Variants in PSMB10 observed in about 807,000 individuals in gnomAD.
PSMB10 encodes proteasome 20S subunit beta 10.
A neutral mutation model predicts 29.8 loss-of-function variants in PSMB10; 29 were observed. The observed-to-expected ratio is 0.97, with a 90% CI of 0.73 to 1.33. The LOEUF is 1.33. Among genes scored for constraint, PSMB10 ranks in the 40% most tolerant of loss-of-function variants. PSMB10 has a pLI of 0.00. For synonymous variants in PSMB10, 157 were observed against 164.7 expected (o/e 0.95, Z 0.36); for missense variants, 327 against 369.2 (o/e 0.89, Z 0.94).
rs1427189167 is a variant in PSMB10, at chr16:67,935,655, T to G, written c.426A>C (p.Val142=). ...HVGASLIVGG[V]DLTGPQLYGV... ...CGTAGAGCTGCGGTCCAGTCAGGTC[T>G]ACGCCGCCCACGATCAGCGATGCAC... The change falls in exon 5 of 8, where the codon GTA becomes GTC. Residue 142 remains valine (V), a synonymous_variant. Transcript: ENST00000358514. 1.2e-6 allele frequency: 2 copies of G among 1,614,172 alleles called. No individual in the cohort carries two copies.
At chr16:67,935,009 C>T (rs1253926519) in intron 6 of PSMB10, 61 bp from the exon 7 acceptor site, 1 of 1,573,892 alleles carries the variant, frequency 6.4e-7, no homozygotes, top group Non-Finnish European at 8.6e-7. Context: ...AGGCTACAGC[C>T]TGGGGACTTG....
rs759750043 is a variant in PSMB10, at chr16:67,934,909, C to A, written c.598G>T (p.Ala200Ser). Residue 200 changes from alanine (A) to serine (S), a missense_variant, in exon 7 of 8, where the codon GCC (alanine) becomes TCC (serine). Transcript: ENST00000358514. This position sits in a 1 kb window ranked among gnomAD's most constrained non-coding sequence, Gnocchi z 4.3. Reference protein sequence around the residue: ...AQGLLVEAVTAGILGDLGSGG... With the variant: ...AQGLLVEAVTSGILGDLGSGG... ...GAGCCCAGGTCACCCAAGATCCCGGCGGTGACGGCTTCCACCAGCAGCCCC... is the reference window on the plus strand; with the variant it reads ...GAGCCCAGGTCACCCAAGATCCCGGAGGTGACGGCTTCCACCAGCAGCCCC... 2.5e-6 allele frequency: 4 copies of A among 1,613,072 alleles called. No individual in the cohort carries two copies. Among genetic ancestry groups the A allele is most frequent in the East Asian group, 2.2e-5 (1 of 44,900 alleles).
In PSMB10 at chr16:67,935,948, G is replaced by T. The variant is rs1447847894; in HGVS notation, c.383+15C>A. 1 of 1,603,624 alleles carries T rather than the reference G, an allele frequency of 6.2e-7. No homozygotes were observed. Among genetic ancestry groups the T allele is most frequent in the East Asian group, 2.2e-5 (1 of 44,606 alleles). The stretch of plus-strand genomic sequence containing the variant: ...AACTACCCCTGCCGGGGTCCTGTTA[G>T]CCCTGCCCCCGCACCTGAAGAGCGT... On this transcript the variant is annotated intron_variant, in intron 4 of 7. Coordinates refer to ENST00000358514, the MANE Select transcript of PSMB10 (RefSeq NM_002801.4).
At position 67,935,228 on chromosome 16, in the gene PSMB10, GC is replaced by G. The variant is rs2058258275; in HGVS notation, c.558+191del. ...CCTCTGTGAGCTTCGACTTCTCCCA[GC>G]CGTGCAGGCTTTGGTATTGGACGGT... is the stretch of plus-strand genomic sequence containing the variant. On this transcript the variant is annotated intron_variant, in intron 6 of 7. Coordinates refer to ENST00000358514, the MANE Select transcript of PSMB10 (RefSeq NM_002801.4). The G allele has an allele frequency of 5.3e-6, 4 of 752,160 alleles. No homozygotes were observed. The Admixed American group carries it at 1.1e-4, about 21-fold the overall frequency. The allele number at this position is 752,160 out of a possible 1,614,324, so 46.6% of individuals were successfully genotyped here.
chr16:67,935,374 G>A, intron 6 of PSMB10, 46 bp downstream of exon 6: 1 of 1,610,188 alleles, frequency 6.2e-7, no homozygotes. Context: ...GCTCCCGGGT[G>A]CACATCCCAC....
rs1380560079 is a variant in PSMB10 at position 67,936,310 on chromosome 16, G to A, written c.147C>T (p.Asp49=). Residue 49 remains aspartate (D), a splice_region_variant and synonymous_variant, in exon 3 of 8, where the codon GAC becomes GAT. Transcript: ENST00000358514. ...GTTIAGLVFQ[D]GVILGADTRA... ...GCGTATCGGCGCCCAGAATGACCCC[G>A]TCCTGAGGAGAGGGAGGGACCGCAG... is the stretch of plus-strand genomic sequence containing the variant. 18 of 1,612,814 alleles carry A rather than the reference G, an allele frequency of 1.1e-5. No individual in the cohort carries two copies. Among genetic ancestry groups the A allele is most frequent in the Non-Finnish European group, 1.5e-5 (18 of 1,179,580 alleles).
Position 67,936,746 on chromosome 16 carries a change from G to C in PSMB10, c.4C>G (p.Leu2Val), listed in dbSNP as rs1246004894. Reference sequence around the variant, plus strand: ...CCTCGGGGCTCCAGGGCTGGCTTCAGCATCTTGGGGCAGGCAGAGGGGATT... The same window carrying C: ...CCTCGGGGCTCCAGGGCTGGCTTCACCATCTTGGGGCAGGCAGAGGGGATT... Reference protein sequence around the residue: MLKPALEPRGGF... With the variant: MVKPALEPRGGF... Residue 2 changes from leucine (L) to valine (V), a missense_variant, in exon 1 of 8, where the codon CTG (leucine) becomes GTG (valine). Transcript: ENST00000358514. The C allele has an allele frequency of 3.9e-6, 6 of 1,556,750 alleles. No individual in the cohort carries two copies. The highest frequency in any genetic ancestry group is 1.9e-5 in the Admixed American group (1 of 51,706).
At chr16:67,935,784 T>C in intron 4 of PSMB10, 87 bp from the exon 5 acceptor site, 1 of 1,512,274 alleles carries the variant, frequency 6.6e-7, no homozygotes, top group South Asian at 1.2e-5. Context: ...TCCCCGCCCC[T>C]TCCTGTGGGC....
chr16:67,935,681 C>A lies in PSMB10; in HGVS notation c.400G>T (p.Gly134Cys). 6.2e-7 allele frequency: 1 copy of A among 1,613,910 alleles called. No individual in the cohort carries two copies. The highest frequency in any genetic ancestry group is 8.5e-7 in the Non-Finnish European group (1 of 1,180,002). ...ACGCCGCCCACGATCAGCGATGCACCCACGTGGCCCTGGTACCTGCTCGAG... is the reference window on the plus strand; with the variant it reads ...ACGCCGCCCACGATCAGCGATGCACACACGTGGCCCTGGTACCTGCTCGAG... ...QTLFRYQGHV[G>C]ASLIVGGVDL... is the part of the protein sequence containing the mutation. Residue 134 changes from glycine to cysteine, a missense_variant, in exon 5 of 8, where the codon GGT (glycine) becomes TGT (cysteine). Coordinates refer to ENST00000358514, the MANE Select transcript of PSMB10 (RefSeq NM_002801.4).
rs749251923 is a variant in PSMB10 at position 67,935,735 on chromosome 16, C to A, written c.384-38G>T. On this transcript the variant is annotated intron_variant, in intron 4 of 7. Coordinates refer to ENST00000358514, the MANE Select transcript of PSMB10 (RefSeq NM_002801.4). The stretch of plus-strand genomic sequence containing the variant: ...GGGCGGGGTCGGCCACAAGCTGGGG[C>A]CTAGGCCCCACCTCTCTATGCCCAG... 3.1e-6 allele frequency: 5 copies of A among 1,602,112 alleles called. No individual in the cohort carries two copies. In the African/African-American group the frequency reaches 6.7e-5, roughly 21 times the overall value.
Position 67,936,785 on chromosome 16 carries a change from G to C in PSMB10, c.-36C>G. 1 of 1,535,024 alleles carries C rather than the reference G, an allele frequency of 6.5e-7. No individual in the cohort carries two copies. The highest frequency in any genetic ancestry group is 1.2e-5 in the South Asian group (1 of 83,544). Reference sequence around the variant, plus strand: ...GCAGAGGGGATTAGGGGTCGCGGGCGGATGAGTCGGCCAGACAAGCGGGGC... The same window carrying C: ...GCAGAGGGGATTAGGGGTCGCGGGCCGATGAGTCGGCCAGACAAGCGGGGC... On this transcript the variant is annotated 5_prime_UTR_variant, in exon 1 of 8. Coordinates refer to ENST00000358514, the MANE Select transcript of PSMB10 (RefSeq NM_002801.4).
At position 67,934,682 on chromosome 16, in the gene PSMB10, G is replaced by A; in HGVS notation, c.711-11C>T. ...TGGTAGCGGCCAGACCTGGGAGGGA[G>A]GAGGGACAGCCTCTGAACATGGGCC... On this transcript the variant is annotated splice_polypyrimidine_tract_variant and intron_variant, in intron 7 of 7. Coordinates refer to ENST00000358514, the MANE Select transcript of PSMB10 (RefSeq NM_002801.4). The surrounding 1 kb of genome is among the most constrained non-coding windows in gnomAD (Gnocchi z 4.3). The A allele has an allele frequency of 6.2e-7, 1 of 1,613,932 alleles. No homozygotes were observed. The highest frequency in any genetic ancestry group is 8.5e-7 in the Non-Finnish European group (1 of 1,179,820).
Position 67,935,590 on chromosome 16 carries a change from G to A in PSMB10, c.491C>T (p.Thr164Ile). 1.2e-6 allele frequency: 2 copies of A among 1,614,238 alleles called. No individual in the cohort carries two copies. Among genetic ancestry groups the A allele is most frequent in the Non-Finnish European group, 1.7e-6 (2 of 1,180,040 alleles). The change falls in exon 5 of 8, where the codon ACA becomes ATA. Residue 164 changes from threonine to isoleucine, a missense_variant. Thr to Ile is a moderately conservative substitution (Grantham distance 89). Transcript: ENST00000358514. ...PHGSYSRLPF[T>I]ALGSGQDAAL... ...GGGACAGAAGCGCTCACCCAGGGCT[G>A]TGAAGGGCAGACGGCTGTAGGAGCC... is the stretch of plus-strand genomic sequence containing the variant.
At position 67,936,248 on chromosome 16, in the gene PSMB10, C is replaced by T; in HGVS notation, c.209G>A (p.Cys70Tyr). 1 of 1,614,060 alleles carries T rather than the reference C, an allele frequency of 6.2e-7. No individual in the cohort carries two copies. The highest frequency in any genetic ancestry group is 8.5e-7 in the Non-Finnish European group (1 of 1,179,978). ...TNDSVVADKS[C>Y]EKIHFIAPKI... is the part of the protein sequence containing the mutation. Reference sequence around the variant, plus strand: ...GGGGGCGATGAAGTGGATCTTCTCGCAGCTCTTGTCCGCCACGACCGAATC... The same window carrying T: ...GGGGGCGATGAAGTGGATCTTCTCGTAGCTCTTGTCCGCCACGACCGAATC... The change falls in exon 3 of 8, where the codon TGC (cysteine) becomes TAC (tyrosine). Residue 70 changes from cysteine to tyrosine, a missense_variant. Transcript: ENST00000358514.
At chr16:67,936,628 A>G in intron 1 of PSMB10, 66 bp downstream of exon 1, 1 of 1,309,852 alleles carries the variant, frequency 7.6e-7, no homozygotes, top group Non-Finnish European at 1.1e-6. Context: ...ACCCCCAGCC[A>G]GGAAAAAAGG....
chr16:67,936,029 G>A lies in PSMB10; in HGVS notation c.317C>T (p.Ala106Val). ...RMVASKMELH[A>V]LSTGREPRVA... ...GCGGGGCTCGCGGCCCGTAGATAACGCGTGTAGCTCCATCTTGGACGCCAC... is the reference window on the plus strand; with the variant it reads ...GCGGGGCTCGCGGCCCGTAGATAACACGTGTAGCTCCATCTTGGACGCCAC... The change falls in exon 4 of 8, where the codon GCG becomes GTG. Residue 106 changes from alanine (A) to valine (V), a missense_variant. Ala to Val is a moderately conservative substitution (Grantham distance 64, BLOSUM62 0). Transcript: ENST00000358514. The A allele has an allele frequency of 1.9e-6, 3 of 1,612,786 alleles. No individual in the cohort carries two copies. The African/African-American group carries it at 4.0e-5, about 21-fold the overall frequency.
In PSMB10 at chr16:67,934,974, A is replaced by G; in HGVS notation, c.559-26T>C. On this transcript the variant is annotated intron_variant, in intron 6 of 7. Coordinates refer to ENST00000358514, the MANE Select transcript of PSMB10 (RefSeq NM_002801.4). The surrounding 1 kb of genome is among the most constrained non-coding windows in gnomAD (Gnocchi z 4.3). ...CTGCGGTGATGGGTGTGTGAGACCT[A>G]ACGGGCTCTCTCTGCTGTTAACTTA... is the stretch of plus-strand genomic sequence containing the variant. 1 of 1,603,702 alleles carries G rather than the reference A, an allele frequency of 6.2e-7. No individual in the cohort carries two copies. The highest frequency in any genetic ancestry group is 8.5e-7 in the Non-Finnish European group (1 of 1,178,574).
In PSMB10 at chr16:67,935,479, C is replaced by T; in HGVS notation, c.500-1G>A. The T allele has an allele frequency of 6.2e-7, 1 of 1,614,060 alleles. No individual in the cohort carries two copies. Among genetic ancestry groups the T allele is most frequent in the Non-Finnish European group, 8.5e-7 (1 of 1,179,938 alleles). On this transcript the variant is annotated splice_acceptor_variant, in intron 5 of 7. Transcript: ENST00000358514. LOFTEE classifies it high-confidence loss of function. ...GCCAGGGCCGCGTCCTGACCAGAGC[C>T]TGAAGGCAGGAGAAGCATCTGAAGT...
rs2058266447 is a variant in PSMB10 at position 67,936,804 on chromosome 16, G to A, written c.-55C>T. On this transcript the variant is annotated 5_prime_UTR_variant, in exon 1 of 8. Coordinates refer to ENST00000358514, the MANE Select transcript of PSMB10 (RefSeq NM_002801.4). ...GCGGGCGGATGAGTCGGCCAGACAA[G>A]CGGGGCCAGTGAGCAGCTAAAAAGT... 6.8e-7 allele frequency: 1 copy of A among 1,468,060 alleles called. No individual in the cohort carries two copies. Among genetic ancestry groups the A allele is most frequent in the Admixed American group, 2.1e-5 (1 of 48,214 alleles). The allele number at this position is 1,468,060 out of a possible 1,614,324, so 90.9% of individuals were successfully genotyped here. A position where few individuals can be genotyped will look rare whatever the true frequency, so the allele number is the denominator to read the frequency against.
Sources: allele counts gnomAD v4.1 joint callset, GRCh38; gene constraint gnomAD v4.1.1; non-coding constraint Gnocchi (gnomAD v3.1); transcripts MANE v1.5; gene names NCBI Gene and HGNC (gene_info 2026-07-23, HGNC 2026-07-21).